FAM227B: variants seen among roughly 807,000 people sequenced by gnomAD.
The protein encoded by FAM227B is family with sequence similarity 227 member B.
Under a neutral mutation model 73.8 loss-of-function variants are expected in FAM227B, and 88 were observed. That is an observed-to-expected ratio of 1.19 (90% CI 1.00 to 1.42). The LOEUF is 1.42. Among genes scored for constraint, FAM227B ranks in the 40% most tolerant of loss-of-function variants. The pLI, the probability that FAM227B is intolerant of heterozygous loss-of-function variation, is 0.00. For synonymous variants in FAM227B, 210 were observed against 190.5 expected (o/e 1.10, Z -0.84); for missense variants, 632 against 590.9 (o/e 1.07, Z -0.72).
chr15:49,429,856 G>C (rs777693182), intron 11 of FAM227B, among the ~76,000 whole-genome samples: 10 of 151,892 alleles, frequency 6.6e-5, no homozygotes, highest in Non-Finnish European at 1.3e-4. Context: ...ACAAAGGTGG[G>C]AAGGACCAGG....
At chr15:49,474,773 G>A (rs776853478) in intron 11 of FAM227B, among the ~76,000 whole-genome samples, 3 of 152,026 alleles carry the variant, frequency 2.0e-5, no homozygotes, top group East Asian at 1.9e-4. Flanking sequence ...TCATAGGAGC[G>A]TGAACCCTAT....
chr15:49,567,666 C>T (rs552865266), intron 9 of FAM227B, among the ~76,000 whole-genome samples: 3 of 152,072 alleles, frequency 2.0e-5, no homozygotes, highest in Non-Finnish European at 4.4e-5. Flanking sequence ...TTGAATATGA[C>T]TTGTGTTTTG....
intron 3 of FAM227B, among the ~76,000 whole-genome samples, chr15:49,591,029 G>GTTTTTTTTTTTTTTTT (rs71424023): frequency 9.5e-6 from 1 of 105,604 alleles, no homozygotes. Context: ...TCTTTTTTTT[G>GTTTTTTTTTTTTTTTT]TTTTTTTTTT....
chr15:49,422,653 G>C (rs1255810107), intron 11 of FAM227B: 12 of 1,109,974 alleles, frequency 1.1e-5, no homozygotes, highest in Non-Finnish European at 1.6e-5. Context: ...TAACTTGCCC[G>C]AAGTCATACT....
chr15:49,355,371 T>A lies in FAM227B; in HGVS notation c.1271+12077A>T, dbSNP rs377683520. The stretch of plus-strand genomic sequence containing the variant: ...AATTTAGCAGTATGTATAACTAGAA[T>A]AACCAATACAGAGAACTGCCTAAAG... On this transcript the variant is annotated intron_variant, in intron 13 of 15. Transcript: ENST00000299338. Among the ~76,000 whole-genome samples, 41 of 152,246 alleles carry A rather than the reference T, an allele frequency of 2.7e-4. 1 individual carries two copies. In the South Asian group the frequency reaches 4.8e-3, roughly 18 times the overall value.
intron 11 of FAM227B, among the ~76,000 whole-genome samples, chr15:49,476,876 G>A (rs1434734932): frequency 2.6e-5 from 4 of 151,970 alleles, no homozygotes; most frequent in Non-Finnish European, 4.4e-5. Flanking sequence ...TGGCTAACAC[G>A]GTGAAACCTC....
In FAM227B at chr15:49,376,680, T is replaced by C. The variant is rs1219045479; in HGVS notation, c.1013-5281A>G. On this transcript the variant is annotated intron_variant, in intron 11 of 15. Transcript: ENST00000299338. ...AGAATTTAATAGGCATTGTGTTGCA[T>C]TTGTAGACCATTTTGGGGAGTATTG... 2.0e-5 allele frequency among the ~76,000 whole-genome samples: 3 copies of C among 152,118 alleles called. No homozygotes were observed. The East Asian group carries it at 5.8e-4, about 29-fold the overall frequency.
intron 11 of FAM227B, among the ~76,000 whole-genome samples, chr15:49,459,971 C>T (rs571757827): frequency 3.3e-5 from 5 of 152,170 alleles, no homozygotes; most frequent in Admixed American, 3.3e-4. Flanking sequence ...TATTTTTATC[C>T]ACCCACACAC....
chr15:49,383,404 G>T (rs1470762343), intron 11 of FAM227B, among the ~76,000 whole-genome samples: 1 of 151,802 alleles, frequency 6.6e-6, no homozygotes, highest in Non-Finnish European at 1.5e-5. Context: ...TTTAAATTAA[G>T]GTATGCACTT....
chr15:49,476,164 G>A (rs4321137), intron 11 of FAM227B, among the ~76,000 whole-genome samples: 3 of 147,782 alleles, frequency 2.0e-5, no homozygotes, highest in Non-Finnish European at 3.0e-5. Flanking sequence ...CAAATCCTCC[G>A]TTGACCACTT....
At chr15:49,401,287 A>C (rs2048124681) in intron 11 of FAM227B, among the ~76,000 whole-genome samples, 1 of 152,280 alleles carries the variant, frequency 6.6e-6, no homozygotes, top group East Asian at 1.9e-4. Context: ...AATGCAAATC[A>C]AAACCACAAT....
intron 8 of FAM227B, among the ~76,000 whole-genome samples, chr15:49,568,796 G>T (rs1405153700): frequency 6.6e-6 from 1 of 151,842 alleles, no homozygotes; most frequent in African/African-American, 2.4e-5. Context: ...GTATTTTGTT[G>T]AGGATTTTTG....
chr15:49,332,087 CCACACACACACACACACACA>C (rs377139081), intron 14 of FAM227B, among the ~76,000 whole-genome samples: 1 of 127,854 alleles, frequency 7.8e-6, no homozygotes, highest in Non-Finnish European at 1.8e-5. Context: ...TGCACACGTG[CCACACACACACACACACACA>C]CACACACACA....
intron 11 of FAM227B, among the ~76,000 whole-genome samples, chr15:49,494,164 A>G (rs2057377145): frequency 6.6e-6 from 1 of 151,776 alleles, no homozygotes; most frequent in Admixed American, 6.6e-5. Flanking sequence ...CCCTAACAGT[A>G]ATTTTAATGC....
chr15:49,509,717 C>T (rs1032304087), intron 10 of FAM227B, among the ~76,000 whole-genome samples: 1 of 151,718 alleles, frequency 6.6e-6, no homozygotes, highest in African/African-American at 2.4e-5. Flanking sequence ...TATAGAGCCA[C>T]AACACTCGAA....
rs113577054 is a variant in FAM227B at position 49,589,838 on chromosome 15, G to A, written c.275C>T (p.Ser92Leu). The A allele has an allele frequency of 6.8e-6, 11 of 1,610,308 alleles. No homozygotes were observed. In the African/African-American group the frequency reaches 8.0e-5, roughly 12 times the overall value. The change falls in exon 4 of 16, where the codon TCA (serine) becomes TTA (leucine). Residue 92 changes from serine to leucine, a missense_variant. Coordinates refer to ENST00000299338, the MANE Select transcript of FAM227B (RefSeq NM_152647.3). Reference protein sequence around the residue: ...LIMESKLKEYSLILQNHTSEI... With the variant: ...LIMESKLKEYLLILQNHTSEI... ...AGAGGTGTGGTTTTGCAAAATAAGT[G>A]AATATTCCTTTAATTTTGATTCCAT... is the stretch of plus-strand genomic sequence containing the variant.
Position 49,553,241 on chromosome 15 carries a change from G to C in FAM227B, c.748-11435C>G, listed in dbSNP as rs145684219. Among the ~76,000 whole-genome samples, 632 of 152,304 alleles carry C rather than the reference G, an allele frequency of 4.1e-3. 3 individuals carry two copies. The highest frequency in any genetic ancestry group is 0.014 in the African/African-American group (596 of 41,560). On this transcript the variant is annotated intron_variant, in intron 9 of 15. Coordinates refer to ENST00000299338, the MANE Select transcript of FAM227B (RefSeq NM_152647.3). ...AGGTAATTCTCTGAATTACCAGGCA[G>C]AGACTTTTTTTCTCCTCCCTTACTT...
chr15:49,396,808 A>T (rs1222975161), intron 11 of FAM227B, among the ~76,000 whole-genome samples: 2 of 151,382 alleles, frequency 1.3e-5, no homozygotes, highest in African/African-American at 2.4e-5. Context: ...AAGGAAAACT[A>T]ACAAACAGAA....
intron 13 of FAM227B, among the ~76,000 whole-genome samples, chr15:49,360,676 G>A (rs1013909621): frequency 1.8e-4 from 27 of 152,050 alleles, no homozygotes; most frequent in Admixed American, 3.3e-4. Context: ...AGACATCAAA[G>A]TTTTTCTCCT....
Sources: gnomAD v4.1 joint callset for allele counts (sites outside exome capture counted in the v4.1 genomes callset) on GRCh38, gnomAD v4.1.1 for gene constraint, MANE v1.5 for transcripts, NCBI Gene and HGNC (gene_info 2026-07-23, HGNC 2026-07-21) for gene names.